TENM3: variants seen among roughly 807,000 people sequenced by gnomAD.
TENM3 encodes teneurin transmembrane protein 3.
In TENM3, 63 loss-of-function variants were observed where a neutral mutation model predicts 255.1. The ratio of observed to expected loss-of-function variants is 0.25; its 90% CI spans 0.20 to 0.30. The LOEUF is 0.30. Among genes scored for constraint, TENM3 ranks in the 10% least tolerant of loss-of-function variants. The pLI is 1.00. For synonymous variants in TENM3, 1,306 were observed against 1,322.3 expected (o/e 0.99, Z 0.27); for missense variants, 2,929 against 3,461.1 (o/e 0.85, Z 3.86).
chr4:181,505,894 C>A, the TENM3 span, among the ~76,000 whole-genome samples: 1 of 152,136 alleles, frequency 6.6e-6, no homozygotes, highest in Non-Finnish European at 1.5e-5. Context: ...AAATAGAGGG[C>A]CTCACTTCCT....
Position 182,730,919 on chromosome 4 carries a change from T to C in TENM3, c.2747T>C (p.Val916Ala). The C allele has an allele frequency of 1.9e-6, 3 of 1,613,970 alleles. No homozygotes were observed. Among genetic ancestry groups the C allele is most frequent in the Non-Finnish European group, 2.5e-6 (3 of 1,179,870 alleles). Residue 916 changes from valine (V) to alanine (A), a missense_variant, in exon 16 of 28, where the codon GTA becomes GCA. Physicochemically the swap from Val to Ala is moderately conservative, Grantham distance 64. Coordinates refer to ENST00000511685, the MANE Select transcript of TENM3 (RefSeq NM_001080477.4). ...VANGGASLTL[V>A]FERSPFLTQY... ...AATGGTGGGGCCTCTCTAACTTTGGTATTTGAACGATCCCCATTCCTCACT... is the reference window on the plus strand; with the variant it reads ...AATGGTGGGGCCTCTCTAACTTTGGCATTTGAACGATCCCCATTCCTCACT...
chr4:181,699,576 C>T, the TENM3 span, among the ~76,000 whole-genome samples: 1 of 149,196 alleles, frequency 6.7e-6, no homozygotes, highest in Non-Finnish European at 1.5e-5. Context: ...ATTTGAGATA[C>T]ATACAAAATA....
upstream of TENM3, among the ~76,000 whole-genome samples, chr4:182,240,420 G>A (rs370519871): frequency 1.3e-5 from 2 of 152,072 alleles, no homozygotes; most frequent in South Asian, 4.1e-4. Context: ...CTGTCTTATC[G>A]GGATTAATCT....
At chr4:182,020,021 A>G in the TENM3 span, among the ~76,000 whole-genome samples, 1 of 152,018 alleles carries the variant, frequency 6.6e-6, no homozygotes, top group African/African-American at 2.4e-5. Context: ...ATGGGAGCCA[A>G]CAGACCGAAC....
chr4:181,691,877 TCA>T, the TENM3 span, among the ~76,000 whole-genome samples: 2 of 152,154 alleles, frequency 1.3e-5, no homozygotes, highest in Non-Finnish European at 2.9e-5. Flanking sequence ...AGAAATTAAA[TCA>T]GTTTTAATTT....
chr4:182,047,795 C>T, the TENM3 span, among the ~76,000 whole-genome samples: 1 of 152,170 alleles, frequency 6.6e-6, no homozygotes, highest in East Asian at 1.9e-4. Context: ...TAAACTGAGC[C>T]TCATCAGACT....
chr4:181,622,152 T>C, the TENM3 span, among the ~76,000 whole-genome samples: 4 of 152,152 alleles, frequency 2.6e-5, no homozygotes, highest in African/African-American at 7.2e-5. Flanking sequence ...TAGTCAGTCC[T>C]GAGATGTCCT....
chr4:182,614,701 C>A (rs1046125004), intron 4 of TENM3, among the ~76,000 whole-genome samples: 8 of 152,124 alleles, frequency 5.3e-5, no homozygotes, highest in Non-Finnish European at 1.2e-4. Context: ...CACTTAATTA[C>A]TCTTTAAGTT....
At position 182,449,237 on chromosome 4, in the gene TENM3, C is replaced by CCGCCCCGGAGCCGGTGGCTCCGCTT. The variant is rs758941265; in HGVS notation, c.511+102308_511+102309insCGCCCCGGAGCCGGTGGCTCCGCTT. ...CGGCGGCGGCGGCGGCGGCTCCGCTCTTCTCCCTTGTGGTGTCGGAATGGG... is the reference window on the plus strand; with the variant it reads ...CGGCGGCGGCGGCGGCGGCTCCGCTCCGCCCCGGAGCCGGTGGCTCCGCTTTTCTCCCTTGTGGTGTCGGAATGGG... On this transcript the variant is annotated intron_variant, in intron 3 of 27. Coordinates refer to ENST00000511685, the MANE Select transcript of TENM3 (RefSeq NM_001080477.4). Among the ~76,000 whole-genome samples the CCGCCCCGGAGCCGGTGGCTCCGCTT allele has an allele frequency of 5.3e-5, 8 of 149,596 alleles. No homozygotes were observed. In the East Asian group the frequency reaches 1.4e-3, roughly 26 times the overall value.
intron 3 of TENM3, among the ~76,000 whole-genome samples, chr4:182,477,180 T>C (rs889459231): frequency 6.6e-6 from 1 of 152,216 alleles, no homozygotes; most frequent in African/African-American, 2.4e-5. Context: ...CTTCAAAATC[T>C]ACGATTTGAT....
At chr4:181,854,080 G>C in the TENM3 span, among the ~76,000 whole-genome samples, 2 of 152,146 alleles carry the variant, frequency 1.3e-5, no homozygotes, top group South Asian at 4.1e-4. Flanking sequence ...CAGTCCCTTA[G>C]TACAGGATGA....
chr4:181,876,700 G>A, the TENM3 span, among the ~76,000 whole-genome samples: 6 of 152,042 alleles, frequency 3.9e-5, no homozygotes, highest in East Asian at 1.9e-4. Flanking sequence ...GAAAATCTGT[G>A]ATTTAAAACC....
intron 3 of TENM3, among the ~76,000 whole-genome samples, chr4:182,458,634 A>G (rs1358362773): frequency 6.6e-6 from 1 of 152,208 alleles, no homozygotes; most frequent in Non-Finnish European, 1.5e-5. Flanking sequence ...AAATCAAACT[A>G]AAGTGGTAAT....
At chr4:182,331,548 A>G (rs1385534840) in intron 2 of TENM3, among the ~76,000 whole-genome samples, 6 of 152,216 alleles carry the variant, frequency 3.9e-5, no homozygotes, top group African/African-American at 1.2e-4. Flanking sequence ...TCTGTCTCCA[A>G]AAAATAAAAT....
Position 182,543,761 on chromosome 4 carries a change from TA to T in TENM3, c.512-57162del, listed in dbSNP as rs890541044. ...GAAAGGATAATTTTCCAGAAAAGTA[TA>T]TTTTTTTTTTAGTTTGTGTCAGCTA... On this transcript the variant is annotated intron_variant, in intron 3 of 27. Coordinates refer to ENST00000511685, the MANE Select transcript of TENM3 (RefSeq NM_001080477.4). 2.8e-4 allele frequency among the ~76,000 whole-genome samples: 43 copies of T among 151,308 alleles called. 1 individual carries two copies. The highest frequency in any genetic ancestry group is 1.2e-3 in the Admixed American group (18 of 15,084).
chr4:181,671,418 G>C, the TENM3 span, among the ~76,000 whole-genome samples: 2 of 152,298 alleles, frequency 1.3e-5, no homozygotes, highest in East Asian at 3.9e-4. Flanking sequence ...TAAATGGGCA[G>C]AGTGTGATCT....
In TENM3 at chr4:182,754,559, G is replaced by A. The variant is rs1489613177; in HGVS notation, c.4192G>A (p.Val1398Met). The change falls in exon 22 of 28, where the codon GTG (valine) becomes ATG (methionine). Residue 1398 changes from valine (V) to methionine (M), a missense_variant. Transcript: ENST00000511685. This position sits in a 1 kb window ranked among gnomAD's most constrained non-coding sequence, Gnocchi z 5.1. ...GGAATATCCTGTGGGGAAGCACGCG[G>A]TGCAGACAACACTGGAATCAGCCAC... ...GVEYPVGKHA[V>M]QTTLESATAI... 6.2e-7 allele frequency: 1 copy of A among 1,613,984 alleles called. No homozygotes were observed. Among genetic ancestry groups the A allele is most frequent in the South Asian group, 1.1e-5 (1 of 91,058 alleles).
At chr4:181,902,023 C>T in the TENM3 span, among the ~76,000 whole-genome samples, 2 of 151,916 alleles carry the variant, frequency 1.3e-5, no homozygotes, top group African/African-American at 4.8e-5. Context: ...GAATTAGAGC[C>T]ATATGATACC....
chr4:182,218,812 T>G (rs2149945731), intron 1 of TENM3, among the ~76,000 whole-genome samples: 1 of 152,374 alleles, frequency 6.6e-6, no homozygotes, highest in African/African-American at 2.4e-5. Flanking sequence ...CATGAAAATT[T>G]GATAGACCCA....
Sources: allele counts gnomAD v4.1 joint callset (sites outside exome capture counted in the v4.1 genomes callset), GRCh38; gene constraint gnomAD v4.1.1; non-coding constraint Gnocchi (gnomAD v3.1); transcripts MANE v1.5; gene names NCBI Gene and HGNC (gene_info 2026-07-23, HGNC 2026-07-21).